The following PDE7B variants were observed in gnomAD, a reference collection of about 807,000 sequenced individuals.
PDE7B encodes the protein phosphodiesterase 7B.
A neutral mutation model predicts 56.2 loss-of-function variants in PDE7B; 29 were observed. The observed-to-expected ratio is 0.52, with a 90% CI of 0.38 to 0.70. PDE7B has a LOEUF of 0.70. Ranked by LOEUF, PDE7B falls within the 30% of genes least tolerant of loss-of-function variation. The pLI, the probability that PDE7B is intolerant of heterozygous loss-of-function variation, is 0.00. For synonymous variants in PDE7B, 197 were observed against 196.9 expected (o/e 1.00, Z 0.00); for missense variants, 490 against 565.0 (o/e 0.87, Z 1.35).
rs1034369 is a variant in PDE7B, at chr6:135,952,178, G to A, written c.82+4654G>A. Among the ~76,000 whole-genome samples the A allele has an allele frequency of 4.9e-3, 744 of 152,092 alleles. 5 individuals carry two copies. Among genetic ancestry groups the A allele is most frequent in the Non-Finnish European group, 7.3e-3 (493 of 67,998 alleles). ...TGTTATGATGTCTGCCCTAAATATTGTGTATGCATCAATAAGTTGATGCAT... is the reference window on the plus strand; with the variant it reads ...TGTTATGATGTCTGCCCTAAATATTATGTATGCATCAATAAGTTGATGCAT... On this transcript the variant is annotated intron_variant, in intron 2 of 12. Transcript: ENST00000308191.
intron 2 of PDE7B, among the ~76,000 whole-genome samples, chr6:136,041,374 T>C (rs1055663308): frequency 1.3e-5 from 2 of 152,194 alleles, no homozygotes; most frequent in African/African-American, 4.8e-5. Context: ...GTGAGAGATT[T>C]TAAGGTGAAA....
intron 2 of PDE7B, among the ~76,000 whole-genome samples, chr6:135,962,764 G>A (rs1300159925): frequency 6.6e-6 from 1 of 152,026 alleles, no homozygotes; most frequent in East Asian, 1.9e-4. Context: ...GTTGAGTCAG[G>A]GCTTTTATTA....
At chr6:136,084,981 T>A (rs1360455241) in intron 2 of PDE7B, among the ~76,000 whole-genome samples, 2 of 152,166 alleles carry the variant, frequency 1.3e-5, no homozygotes, top group East Asian at 1.9e-4. Flanking sequence ...CCTTCACCCC[T>A]CTTTCCCTCT....
intron 2 of PDE7B, among the ~76,000 whole-genome samples, chr6:135,955,738 C>A (rs1774781555): frequency 6.6e-6 from 1 of 152,034 alleles, no homozygotes; most frequent in Non-Finnish European, 1.5e-5. Context: ...TGAGTCCTAC[C>A]TGAATTGAGA....
chr6:136,020,719 A>AGCAAACTCCATCTG lies in PDE7B; in HGVS notation c.82+73195_82+73196insGCAAACTCCATCTG, dbSNP rs1258685387. ...CTATGGTCTCTAAATAAGCACCTAT[A>AGCAAACTCCATCTG]TTAAGAGCAAGGGACTCACCGAAAA... On this transcript the variant is annotated intron_variant, in intron 2 of 12. Transcript: ENST00000308191. Among the ~76,000 whole-genome samples the AGCAAACTCCATCTG allele has an allele frequency of 1.6e-3, 250 of 152,308 alleles. 4 individuals carry two copies. The East Asian group carries it at 0.027, about 17-fold the overall frequency.
At chr6:135,981,268 A>G (rs1304784364) in intron 2 of PDE7B, among the ~76,000 whole-genome samples, 1 of 115,064 alleles carries the variant, frequency 8.7e-6, no homozygotes, top group Non-Finnish European at 1.7e-5. Context: ...GGAACATCAC[A>G]CTGTGGGGAC....
chr6:135,952,777 A>G (rs1302743566), intron 2 of PDE7B, among the ~76,000 whole-genome samples: 1 of 152,136 alleles, frequency 6.6e-6, no homozygotes, highest in African/African-American at 2.4e-5. Flanking sequence ...TAGATGAAAG[A>G]ATAAATTGAA....
intron 2 of PDE7B, among the ~76,000 whole-genome samples, chr6:136,068,085 A>G (rs1167910115): frequency 1.3e-5 from 2 of 152,236 alleles, no homozygotes; most frequent in South Asian, 2.1e-4. Context: ...ACTCTGTAAA[A>G]TATTTGAAGA....
chr6:136,023,270 AT>A (rs1394674828), intron 2 of PDE7B, among the ~76,000 whole-genome samples: 2 of 152,174 alleles, frequency 1.3e-5, no homozygotes, highest in African/African-American at 4.8e-5. Context: ...GCCCAGGCTC[AT>A]CTCTTAGTGC....
chr6:135,982,174 T>C (rs1375467232), intron 2 of PDE7B, among the ~76,000 whole-genome samples: 3 of 152,198 alleles, frequency 2.0e-5, no homozygotes, highest in Non-Finnish European at 4.4e-5. Flanking sequence ...CTTAGTTTCA[T>C]GTATCAAGCA....
intron 2 of PDE7B, among the ~76,000 whole-genome samples, chr6:136,021,368 G>A (rs67553418): frequency 0.018 from 2,733 of 152,234 alleles, 38 homozygotes; most frequent in Middle Eastern, 0.051. Context: ...TTCCTAGCTG[G>A]GTGCAGTGGC....
intron 2 of PDE7B, among the ~76,000 whole-genome samples, chr6:135,959,241 T>C (rs546142809): frequency 2.6e-5 from 4 of 152,168 alleles, no homozygotes; most frequent in Non-Finnish European, 5.9e-5. Context: ...TTCCATGAAG[T>C]TGGTGAATAG....
chr6:136,069,444 A>G (rs1583863562), intron 2 of PDE7B, among the ~76,000 whole-genome samples: 2 of 152,208 alleles, frequency 1.3e-5, no homozygotes, highest in Non-Finnish European at 2.9e-5. Flanking sequence ...AACAAGTCCT[A>G]ATGGTTTCCC....
chr6:135,887,493 G>A (rs562694880), intron 1 of PDE7B, among the ~76,000 whole-genome samples: 5 of 152,176 alleles, frequency 3.3e-5, no homozygotes, highest in Admixed American at 1.3e-4. Flanking sequence ...AAAAGTGAAC[G>A]TATCAGTTAG....
intron 1 of PDE7B, among the ~76,000 whole-genome samples, chr6:135,893,478 C>T (rs186547560): frequency 1.1e-4 from 17 of 151,968 alleles, no homozygotes; most frequent in Admixed American, 3.3e-4. Context: ...TTGTTGGACA[C>T]TTGGGTTGGT....
At position 135,981,766 on chromosome 6, in the gene PDE7B, CT is replaced by C. The variant is rs561731987; in HGVS notation, c.82+34254del. Among the ~76,000 whole-genome samples, 729 of 142,946 alleles carry C rather than the reference CT, an allele frequency of 5.1e-3. 1 individual carries two copies. Among genetic ancestry groups the C allele is most frequent in the Non-Finnish European group, 7.9e-3 (511 of 64,854 alleles). The allele number at this position is 142,946 out of a possible 152,430, so 93.8% of individuals were successfully genotyped here. A position where few individuals can be genotyped will look rare whatever the true frequency, so the allele number is the denominator to read the frequency against. Reference sequence around the variant, plus strand: ...GCCTGAGGATGTTTTACAATTAACTCTTTTTTTTTTTTCAGAAGTAGGAGTA... The same window carrying C: ...GCCTGAGGATGTTTTACAATTAACTCTTTTTTTTTTTCAGAAGTAGGAGTA... On this transcript the variant is annotated intron_variant, in intron 2 of 12. Transcript: ENST00000308191.
At chr6:136,083,254 G>T (rs1777234062) in intron 2 of PDE7B, among the ~76,000 whole-genome samples, 1 of 152,160 alleles carries the variant, frequency 6.6e-6, no homozygotes, top group Non-Finnish European at 1.5e-5. Flanking sequence ...TTCCAAATAA[G>T]TTCTTCTTGG....
At chr6:136,104,947 G>A (rs912010966) in intron 2 of PDE7B, among the ~76,000 whole-genome samples, 2 of 152,142 alleles carry the variant, frequency 1.3e-5, no homozygotes, top group Admixed American at 6.5e-5. Flanking sequence ...TGTTATTGCC[G>A]ATTTGTTTGG....
At chr6:135,897,390 T>G (rs1011822483) in intron 1 of PDE7B, among the ~76,000 whole-genome samples, 3 of 152,096 alleles carry the variant, frequency 2.0e-5, no homozygotes, top group Non-Finnish European at 4.4e-5. Context: ...CTACTTTCAT[T>G]AGTGTGCTTG....
Sources: gnomAD v4.1 joint callset for allele counts (sites outside exome capture counted in the v4.1 genomes callset) on GRCh38, gnomAD v4.1.1 for gene constraint, MANE v1.5 for transcripts, NCBI Gene and HGNC (gene_info 2026-07-23, HGNC 2026-07-21) for gene names.